The following PRSS23 variants were observed in gnomAD, a reference collection of about 807,000 sequenced individuals.
The protein encoded by PRSS23 is protease, serine 23.
In PRSS23, 25 loss-of-function variants were observed where a neutral mutation model predicts 34.7. That is an observed-to-expected ratio of 0.72 (90% CI 0.53 to 1.01). The LOEUF (loss-of-function observed/expected upper bound fraction) is 1.01. PRSS23 is among the 50% of genes least tolerant of loss of function. The pLI is 0.00. For missense variants in PRSS23, 445 were observed against 475.6 expected, an observed-to-expected ratio of 0.94 and a Z score of 0.60; for synonymous variants, 176 against 186.6, an observed-to-expected ratio of 0.94 and a Z score of 0.46.
At chr11:86,839,281 C>A (rs1948430189) in intron 2 of PRSS23, among the ~76,000 whole-genome samples, 1 of 152,128 alleles carries the variant, frequency 6.6e-6, no homozygotes, top group South Asian at 2.1e-4. Context: ...CTAGAATAAA[C>A]AGTGCAGAAG....
intron 1 of PRSS23, among the ~76,000 whole-genome samples, chr11:86,803,609 G>A (rs1372136367): frequency 6.6e-6 from 1 of 152,178 alleles, no homozygotes; most frequent in Non-Finnish European, 1.5e-5. Context: ...AGGGCAGGCT[G>A]CGAATGCCTC....
At chr11:86,856,026 G>C (rs566175162) in intron 2 of PRSS23, among the ~76,000 whole-genome samples, 3 of 152,090 alleles carry the variant, frequency 2.0e-5, no homozygotes, top group Non-Finnish European at 4.4e-5. Context: ...AAATGTCTCA[G>C]AATGTGAAAC....
At chr11:86,793,253 T>G (rs546181178) in intron 1 of PRSS23, among the ~76,000 whole-genome samples, 2 of 152,344 alleles carry the variant, frequency 1.3e-5, no homozygotes, top group South Asian at 4.1e-4. Context: ...ATATCCATAT[T>G]TAACTACCTT....
rs924218980 is a variant in PRSS23 at position 86,811,182 on chromosome 11, A to T, written c.*2387A>T. The T allele has an allele frequency of 6.0e-6, 1 of 167,098 alleles. No individual in the cohort carries two copies. 10.4% of individuals were successfully genotyped at this position (167,098 alleles called of 1,614,324 possible). On this transcript the variant is annotated 3_prime_UTR_variant, in exon 2 of 2. Transcript: ENST00000280258. ...CTCTGGGAAGACCTGTTGTAAAGGG[A>T]CAAGTTGAGGTTGTAAAATCTGCAT... is the stretch of plus-strand genomic sequence containing the variant.
chr11:86,896,913 A>AAG (rs1948880679), intron 2 of PRSS23, among the ~76,000 whole-genome samples: 1 of 152,234 alleles, frequency 6.6e-6, no homozygotes, highest in Non-Finnish European at 1.5e-5. Flanking sequence ...ACGCCATCCT[A>AAG]TACATCTTAT....
intron 2 of PRSS23, among the ~76,000 whole-genome samples, chr11:86,859,166 C>T (rs1051576839): frequency 6.6e-6 from 1 of 151,710 alleles, no homozygotes; most frequent in Non-Finnish European, 1.5e-5. Flanking sequence ...GGAAGTGACA[C>T]CCCCCTGTGA....
chr11:86,843,072 T>C (rs1009084675), intron 2 of PRSS23, among the ~76,000 whole-genome samples: 1 of 151,878 alleles, frequency 6.6e-6, no homozygotes, highest in African/African-American at 2.4e-5. Context: ...CCAAAACAGA[T>C]ATATAGACCA....
intron 2 of PRSS23, among the ~76,000 whole-genome samples, chr11:86,917,141 A>G (rs1441412759): frequency 6.6e-6 from 1 of 152,122 alleles, no homozygotes; most frequent in East Asian, 1.9e-4. Context: ...CCAACATGGC[A>G]AAACCCCATC....
At chr11:86,935,704 C>T (rs977202847) in intron 2 of PRSS23, 5 of 152,032 alleles carry the variant, frequency 3.3e-5, no homozygotes, top group African/African-American at 1.2e-4. Flanking sequence ...TATATAATAA[C>T]ACTGAAGCCC....
At chr11:86,823,943 T>C (rs1488885713) in intron 2 of PRSS23, among the ~76,000 whole-genome samples, 1 of 133,474 alleles carries the variant, frequency 7.5e-6, no homozygotes, top group Non-Finnish European at 1.6e-5. Flanking sequence ...GAGGTGGAGC[T>C]TGCAGTGAGC....
chr11:86,888,637 G>T (rs953847666), intron 2 of PRSS23, among the ~76,000 whole-genome samples: 5 of 152,208 alleles, frequency 3.3e-5, no homozygotes, highest in African/African-American at 9.7e-5. Flanking sequence ...CTGAGAAATT[G>T]TTGAGAGATT....
rs571279133 is a variant in PRSS23, at chr11:86,951,899, T to G, written c.*614T>G. On this transcript the variant is annotated 3_prime_UTR_variant, in exon 3 of 3. Coordinates refer to the PRSS23 transcript ENST00000533902. ...TTGGATGAGAACAGGTTCTGCTGCC[T>G]CTTCAAAATCACAGGATATCCTTTC... 4 of 1,613,806 alleles carry G rather than the reference T, an allele frequency of 2.5e-6. 1 individual carries two copies. In the Admixed American group the frequency reaches 6.7e-5, roughly 27 times the overall value.
chr11:86,799,478 T>G, upstream of PRSS23, among the ~76,000 whole-genome samples: 1 of 152,146 alleles, frequency 6.6e-6, no homozygotes, highest in Non-Finnish European at 1.5e-5. Flanking sequence ...CTGTGTGATT[T>G]TGGGCAAGTC....
chr11:86,910,035 A>G (rs893594386), intron 2 of PRSS23: 13 of 152,204 alleles, frequency 8.5e-5, no homozygotes, highest in Admixed American at 8.5e-4. Flanking sequence ...TCAACTAAAC[A>G]TGTCCAAAAA....
rs1004726597 is a variant in PRSS23, at chr11:86,809,423, G to A, written c.*628G>A. 1 of 167,046 alleles carries A rather than the reference G, an allele frequency of 6.0e-6. No homozygotes were observed. Among genetic ancestry groups the A allele is most frequent in the African/African-American group, 2.4e-5 (1 of 41,434 alleles). 10.3% of individuals were successfully genotyped at this position (167,046 alleles called of 1,614,324 possible). On this transcript the variant is annotated 3_prime_UTR_variant, in exon 2 of 2. Coordinates refer to ENST00000280258, the MANE Select transcript of PRSS23 (RefSeq NM_007173.6). ...TTAAACTATACCTTATAGTAAACCA[G>A]TATCCCAAGCTGCTTTTAGTTCCAA...
chr11:86,928,701 A>G lies in PRSS23; in HGVS notation c.207-22515A>G, dbSNP rs1326246019. On this transcript the variant is annotated intron_variant, in intron 2 of 2. Transcript: ENST00000533902. ...AAAAAAAAAAAAAAAAAAAAAAAAA[A>G]AAAAATTGGCAAGACATATACAGCA... 4.1e-5 allele frequency among the ~76,000 whole-genome samples: 2 copies of G among 48,246 alleles called. 1 individual carries two copies. Among genetic ancestry groups the G allele is most frequent in the African/African-American group, 1.3e-4 (2 of 15,484 alleles). The allele number at this position is 48,246 out of a possible 152,430, so 31.7% of individuals were successfully genotyped here.
chr11:86,930,849 A>G (rs575389916), intron 2 of PRSS23, among the ~76,000 whole-genome samples: 1 of 151,486 alleles, frequency 6.6e-6, no homozygotes, highest in Admixed American at 6.6e-5. Flanking sequence ...AAAAGCCCTG[A>G]GCAGGTAAAG....
intron 2 of PRSS23, among the ~76,000 whole-genome samples, chr11:86,841,332 T>A (rs1391810716): frequency 6.6e-5 from 4 of 60,268 alleles, no homozygotes; most frequent in East Asian, 5.0e-4. Context: ...AGAGGGAAAC[T>A]CCATCTCAAA....
intron 2 of PRSS23, chr11:86,937,140 A>G (rs1276885950): frequency 2.0e-5 from 3 of 152,158 alleles, no homozygotes; most frequent in Non-Finnish European, 4.4e-5. Context: ...GCTCCTACTG[A>G]CCCAGCAGAG....
Sources: gnomAD v4.1 joint callset for allele counts (sites outside exome capture counted in the v4.1 genomes callset) on GRCh38, gnomAD v4.1.1 for gene constraint, MANE v1.5 for transcripts, NCBI Gene and HGNC (gene_info 2026-07-23, HGNC 2026-07-21) for gene names.